Variants in MEGF6 observed in about 807,000 individuals in gnomAD.
MEGF6 encodes multiple EGF like domains 6, also known as multiple epidermal growth factor-like domains protein 6.
In MEGF6, 184 loss-of-function variants were observed where a neutral mutation model predicts 207.1. That is an observed-to-expected ratio of 0.89 (90% confidence interval 0.79 to 1.00). The LOEUF is 1.00. Ranked by LOEUF, MEGF6 falls within the 50% of genes least tolerant of loss-of-function variation. The pLI is 0.00. For missense variants in MEGF6, 2,282 were observed against 2,202.9 expected (o/e 1.04, Z -0.72); for synonymous variants, 1,038 against 910.0 (o/e 1.14, Z -2.53).
At chr1:3,554,702 C>T (rs1039702568) in intron 4 of MEGF6, among the ~76,000 whole-genome samples, 1 of 152,244 alleles carries the variant, frequency 6.6e-6, no homozygotes, top group African/African-American at 2.4e-5. Flanking sequence ...CCCCCTGCCC[C>T]TCCTCTCCTG....
At chr1:3,570,184 A>C (rs925153726) in intron 4 of MEGF6, among the ~76,000 whole-genome samples, 3 of 152,102 alleles carry the variant, frequency 2.0e-5, no homozygotes, top group Non-Finnish European at 2.9e-5. Flanking sequence ...GCCGACTGTC[A>C]CGCAGGGACT....
intron 4 of MEGF6, among the ~76,000 whole-genome samples, chr1:3,545,185 T>C (rs1365750655): frequency 6.6e-6 from 1 of 152,132 alleles, no homozygotes; most frequent in Non-Finnish European, 1.5e-5. Flanking sequence ...CAGGGACTCC[T>C]AGCCCCAGGG....
chr1:3,577,176 C>T (rs1271599142), intron 4 of MEGF6, among the ~76,000 whole-genome samples: 1 of 152,180 alleles, frequency 6.6e-6, no homozygotes, highest in Non-Finnish European at 1.5e-5. Context: ...GCGAGGAGGC[C>T]GGGCAGCCAC....
intron 1 of MEGF6, among the ~76,000 whole-genome samples, chr1:3,607,668 CTGG>C (rs1299802453): frequency 6.6e-6 from 1 of 152,236 alleles, no homozygotes; most frequent in East Asian, 1.9e-4. Context: ...AATAAAGCAC[CTGG>C]TGACCTTTGA....
chr1:3,612,361 T>C (rs1644339843), upstream of MEGF6, among the ~76,000 whole-genome samples: 1 of 152,064 alleles, frequency 6.6e-6, no homozygotes, highest in Non-Finnish European at 1.5e-5. Flanking sequence ...CTGTCTAGGG[T>C]GAGGCTTCTG....
chr1:3,490,728 C>G (rs761335283), intron 36 of MEGF6, 139 bp from the exon 37 acceptor site: 237 of 1,150,662 alleles, frequency 2.1e-4, no homozygotes, highest in Non-Finnish European at 2.8e-4. Context: ...CCCACCCATC[C>G]TTCCCAGCCT....
chr1:3,523,959 G>A (rs945361101), intron 5 of MEGF6, among the ~76,000 whole-genome samples, 165 bp downstream of exon 5: 6 of 152,178 alleles, frequency 3.9e-5, no homozygotes, highest in African/African-American at 7.2e-5. Context: ...GGCAAGGTGC[G>A]GGCAGGATTC....
Position 3,490,955 on chromosome 1 carries a change from C to A in MEGF6, c.4521G>T (p.Gly1507=). The stretch of plus-strand genomic sequence containing the variant: ...ACGGGTTCTCGGGGAGCCGGAGGGG[C>A]CCACCTGGAGGGGAGAGAGAGCAGG... ...GYMGPTCREG[G]PLRLPENPSL... Residue 1507 remains glycine, a synonymous_variant, in exon 36 of 37, where the codon GGG becomes GGT. Transcript: ENST00000356575. 3 of 1,600,070 alleles carry A rather than the reference C, an allele frequency of 1.9e-6. No homozygotes were observed. The highest frequency in any genetic ancestry group is 2.2e-5 in the East Asian group (1 of 44,738).
chr1:3,582,216 C>G (rs1008082491), intron 3 of MEGF6, among the ~76,000 whole-genome samples: 20 of 152,172 alleles, frequency 1.3e-4, no homozygotes, highest in Admixed American at 2.6e-4. Flanking sequence ...ACACGGAGAC[C>G]AATGATTAAC....
At position 3,499,444 on chromosome 1, in the gene MEGF6, C is replaced by G; in HGVS notation, c.2965+144G>C. 1.1e-5 allele frequency: 16 copies of G among 1,418,160 alleles called. No individual in the cohort carries two copies. In the South Asian group the frequency reaches 1.8e-4, roughly 16 times the overall value. 87.8% of individuals were successfully genotyped at this position (1,418,160 alleles called of 1,614,324 possible). A position where few individuals can be genotyped will look rare whatever the true frequency, so the allele number is the denominator to read the frequency against. ...GTGGCCACAAAAAAGGACCAACGCTCTGGCCCGAGTGAGCAAAGCATCACT... is the reference window on the plus strand; with the variant it reads ...GTGGCCACAAAAAAGGACCAACGCTGTGGCCCGAGTGAGCAAAGCATCACT... On this transcript the variant is annotated intron_variant, in intron 23 of 36. Coordinates refer to ENST00000356575, the MANE Select transcript of MEGF6 (RefSeq NM_001409.4).
chr1:3,498,420 C>G lies in MEGF6; in HGVS notation c.3303G>C (p.Thr1101=), dbSNP rs533001945. 1.3e-6 allele frequency: 2 copies of G among 1,589,562 alleles called. No individual in the cohort carries two copies. Among genetic ancestry groups the G allele is most frequent in the Non-Finnish European group, 1.7e-6 (2 of 1,171,300 alleles). The change falls in exon 26 of 37, where the codon ACG becomes ACC. Residue 1101 remains threonine (T), a synonymous_variant. Transcript: ENST00000356575. ...CLNGGLCDPH[T]GRCLCPAGWT... is the part of the protein sequence containing the mutation. The stretch of plus-strand genomic sequence containing the variant: ...AGCCGGCTGGGCAGAGGCAGCGGCC[C>G]GTGTGCGGGTCACACAGGCCCCCGT...
intron 4 of MEGF6, among the ~76,000 whole-genome samples, chr1:3,527,283 G>A (rs1223416240): frequency 6.6e-6 from 1 of 152,228 alleles, no homozygotes; most frequent in Non-Finnish European, 1.5e-5. Flanking sequence ...TGAGTCAACG[G>A]ATGGTACCCA....
chr1:3,526,398 A>AT (rs57377827), intron 4 of MEGF6, among the ~76,000 whole-genome samples: 41,509 of 130,870 alleles, frequency 0.32, 7,227 homozygotes, highest in South Asian at 0.41. Flanking sequence ...GGTGACACCT[A>AT]TTTTTTTTTT....
rs765597448 is a variant in MEGF6, at chr1:3,499,925, C to CT, written c.2708-2dup. 9.0e-6 allele frequency: 14 copies of CT among 1,559,506 alleles called. No homozygotes were observed. The highest frequency in any genetic ancestry group is 4.8e-5 in the East Asian group (2 of 41,772). On this transcript the variant is annotated splice_acceptor_variant, in intron 21 of 36. Transcript: ENST00000356575. LOFTEE classifies it high-confidence loss of function. The stretch of plus-strand genomic sequence containing the variant: ...GGCCCAAAGTGGCCCTGGGGACACT[C>CT]TGAGATATGCAGCCCCGGCCCACAG...
chr1:3,510,749 C>T, intron 10 of MEGF6, 34 bp downstream of exon 10: 1 of 1,576,366 alleles, frequency 6.3e-7, no homozygotes, highest in Non-Finnish European at 8.7e-7. Context: ...GCTCCCAGGC[C>T]ACCCCAGCTG....
intron 5 of MEGF6, among the ~76,000 whole-genome samples, chr1:3,519,298 T>C (rs1037066668): frequency 1.3e-5 from 2 of 152,236 alleles, no homozygotes; most frequent in Non-Finnish European, 2.9e-5. Context: ...GTGCTAGCAG[T>C]GCCCTATTGG....
At chr1:3,514,770 C>T in intron 6 of MEGF6, 98 bp from the exon 7 acceptor site, 3 of 1,313,934 alleles carry the variant, frequency 2.3e-6, no homozygotes, top group South Asian at 1.5e-5. Context: ...TCACCCAGTG[C>T]TCTCCCCACT....
At chr1:3,491,077 C>G (rs1039996783) in intron 35 of MEGF6, 118 bp from the exon 36 acceptor site, 2 of 872,990 alleles carry the variant, frequency 2.3e-6, no homozygotes, top group African/African-American at 3.5e-5. Context: ...CCCGCACAGT[C>G]TCCTTCCCTT....
In MEGF6 at chr1:3,575,721, C is replaced by T. The variant is rs1375943479; in HGVS notation, c.481+4104G>A. ...CATCAGATCTCATGAGACTTATTCACTATCACGAGAACAGCACGGGAAAGA... is the reference window on the plus strand; with the variant it reads ...CATCAGATCTCATGAGACTTATTCATTATCACGAGAACAGCACGGGAAAGA... On this transcript the variant is annotated intron_variant, in intron 4 of 36. Transcript: ENST00000356575. Among the ~76,000 whole-genome samples, 3 of 152,154 alleles carry T rather than the reference C, an allele frequency of 2.0e-5. 1 individual carries two copies. The highest frequency in any genetic ancestry group is 4.4e-5 in the Non-Finnish European group (3 of 68,046).
Sources: allele counts gnomAD v4.1 joint callset (sites outside exome capture counted in the v4.1 genomes callset), GRCh38; gene constraint gnomAD v4.1.1; transcripts MANE v1.5; gene names NCBI Gene and HGNC (gene_info 2026-07-23, HGNC 2026-07-21).